SMYD3: variants seen among roughly 807,000 people sequenced by gnomAD.
The protein encoded by SMYD3 is SET and MYND domain containing 3, also known as histone-lysine N-methyltransferase SMYD3.
In SMYD3, 36 loss-of-function variants were observed where a neutral mutation model predicts 57.7. That is an observed-to-expected ratio of 0.62 (90% CI 0.48 to 0.82). SMYD3 has a LOEUF of 0.82. Ranked by LOEUF, SMYD3 falls within the 40% of genes least tolerant of loss-of-function variation. SMYD3 has a pLI of 0.00. For synonymous variants in SMYD3, 211 were observed against 195.0 expected (o/e 1.08, Z -0.68); for missense variants, 515 against 538.8 (o/e 0.96, Z 0.44).
chr1:246,440,195 A>C (rs1437249881), intron 1 of SMYD3, among the ~76,000 whole-genome samples: 1 of 152,172 alleles, frequency 6.6e-6, no homozygotes, highest in Non-Finnish European at 1.5e-5. Flanking sequence ...ACCAATATAC[A>C]CAAAAAATAT....
intron 5 of SMYD3, among the ~76,000 whole-genome samples, chr1:246,240,634 A>G (rs2063592721): frequency 2.0e-5 from 3 of 152,186 alleles, no homozygotes; most frequent in Non-Finnish European, 2.9e-5. Context: ...GAAGAAAGTC[A>G]TTGGTAGCTT....
intron 5 of SMYD3, among the ~76,000 whole-genome samples, chr1:245,942,924 C>A (rs1321078626): frequency 6.6e-6 from 1 of 152,036 alleles, no homozygotes; most frequent in African/African-American, 2.4e-5. Context: ...TGAAGAAGTT[C>A]TTTGAAACCA....
At chr1:245,986,523 A>G (rs953252294) in intron 5 of SMYD3, among the ~76,000 whole-genome samples, 2 of 152,246 alleles carry the variant, frequency 1.3e-5, no homozygotes, top group African/African-American at 2.4e-5. Flanking sequence ...TACTATTATG[A>G]TGCCATAAAC....
chr1:246,317,142 T>C (rs1378287755), intron 5 of SMYD3, among the ~76,000 whole-genome samples: 8 of 152,220 alleles, frequency 5.3e-5, no homozygotes, highest in Non-Finnish European at 1.0e-4. Flanking sequence ...GTTTTCTTAC[T>C]ATACCATTGA....
intron 1 of SMYD3, among the ~76,000 whole-genome samples, chr1:246,386,654 A>G (rs1478801396): frequency 1.3e-5 from 2 of 151,704 alleles, no homozygotes; most frequent in Non-Finnish European, 2.9e-5. Flanking sequence ...AAAAAAAAAA[A>G]AATTGTCAGT....
chr1:246,166,276 G>A (rs557716171), intron 5 of SMYD3, among the ~76,000 whole-genome samples: 1 of 152,104 alleles, frequency 6.6e-6, no homozygotes, highest in Non-Finnish European at 1.5e-5. Flanking sequence ...ACACTGCCAC[G>A]TTCCCTTCAC....
chr1:246,146,989 G>A (rs769354456), intron 5 of SMYD3, among the ~76,000 whole-genome samples: 4 of 152,176 alleles, frequency 2.6e-5, no homozygotes, highest in Admixed American at 6.5e-5. Flanking sequence ...TAATCGGCAG[G>A]CAGGCGTGAC....
chr1:245,844,905 A>G (rs2050587684), intron 10 of SMYD3, among the ~76,000 whole-genome samples: 2 of 152,188 alleles, frequency 1.3e-5, no homozygotes, highest in Non-Finnish European at 2.9e-5. Context: ...TATATTAAGA[A>G]AGAATGCAGA....
intron 1 of SMYD3, among the ~76,000 whole-genome samples, chr1:246,457,532 C>CAAAAAAAA (rs59617511): frequency 8.5e-5 from 7 of 82,434 alleles, no homozygotes; most frequent in East Asian, 4.1e-4. Flanking sequence ...GACTCTGCCT[C>CAAAAAAAA]AAAAAAAAAA....
chr1:246,211,398 T>C (rs946374403), intron 5 of SMYD3, among the ~76,000 whole-genome samples: 1 of 152,144 alleles, frequency 6.6e-6, no homozygotes, highest in South Asian at 2.1e-4. Flanking sequence ...ACTGGTTGAA[T>C]ACACATCTCA....
At chr1:246,460,049 T>C (rs553433637) in intron 1 of SMYD3, among the ~76,000 whole-genome samples, 10 of 151,266 alleles carry the variant, frequency 6.6e-5, no homozygotes, top group African/African-American at 2.4e-4. Flanking sequence ...GACACACCCC[T>C]ACGCTTGATT....
intron 10 of SMYD3, among the ~76,000 whole-genome samples, chr1:245,799,963 T>C (rs991676655): frequency 6.6e-6 from 1 of 152,230 alleles, no homozygotes; most frequent in Non-Finnish European, 1.5e-5. Flanking sequence ...ACAGTTGGCA[T>C]CACTTTGAAG....
At chr1:246,211,681 T>G (rs2063091034) in intron 5 of SMYD3, among the ~76,000 whole-genome samples, 1 of 152,098 alleles carries the variant, frequency 6.6e-6, no homozygotes, top group Non-Finnish European at 1.5e-5. Flanking sequence ...AATGAATAGA[T>G]TCTTCATATA....
Position 245,899,190 on chromosome 1 carries a change from T to C in SMYD3, c.813+16340A>G, listed in dbSNP as rs1023672292. ...TAAATCCAGGAACTGAAAATTAATT[T>C]TGATTGAACTAATGTTGAATTTATG... On this transcript the variant is annotated intron_variant, in intron 8 of 11. Transcript: ENST00000490107. Among the ~76,000 whole-genome samples the C allele has an allele frequency of 4.6e-5, 7 of 152,204 alleles. 1 individual carries two copies. The highest frequency in any genetic ancestry group is 8.8e-5 in the Non-Finnish European group (6 of 68,038).
intron 1 of SMYD3, among the ~76,000 whole-genome samples, chr1:246,444,905 G>C (rs1430745500): frequency 1.3e-5 from 2 of 152,182 alleles, no homozygotes; most frequent in Non-Finnish European, 2.9e-5. Flanking sequence ...TGACATAGGG[G>C]TGCAGAGCTT....
intron 1 of SMYD3, among the ~76,000 whole-genome samples, chr1:246,408,983 A>G (rs1232648883): frequency 6.6e-6 from 1 of 151,826 alleles, no homozygotes; most frequent in Non-Finnish European, 1.5e-5. Flanking sequence ...TCTTTAAAGT[A>G]TAAAACCTTA....
At chr1:246,125,111 G>C (rs2061491497) in intron 5 of SMYD3, among the ~76,000 whole-genome samples, 1 of 136,756 alleles carries the variant, frequency 7.3e-6, no homozygotes, top group Admixed American at 7.7e-5. Flanking sequence ...CACACATCTG[G>C]AATTTCCCTT....
At chr1:245,953,200 A>G (rs1305476902) in intron 5 of SMYD3, 13 of 984,870 alleles carry the variant, frequency 1.3e-5, no homozygotes, top group Admixed American at 1.2e-4. Context: ...TATTATCAGT[A>G]TATCTGGAGA....
At chr1:246,478,413 CTGT>C (rs1386075719) in intron 1 of SMYD3, among the ~76,000 whole-genome samples, 44 of 150,620 alleles carry the variant, frequency 2.9e-4, no homozygotes, top group Non-Finnish European at 3.9e-4. Flanking sequence ...CACCTGTCCT[CTGT>C]CCTGGAGCTG....
Sources: gnomAD v4.1 joint callset for allele counts (sites outside exome capture counted in the v4.1 genomes callset) on GRCh38, gnomAD v4.1.1 for gene constraint, MANE v1.5 for transcripts, NCBI Gene and HGNC (gene_info 2026-07-23, HGNC 2026-07-21) for gene names.